YEATS2: variants seen among roughly 807,000 people sequenced by gnomAD.
The protein encoded by YEATS2 is YEATS domain-containing protein 2.
In YEATS2, 77 loss-of-function variants were observed where a neutral mutation model predicts 163.2. That is an observed-to-expected ratio of 0.47 (90% CI 0.39 to 0.57). The LOEUF is 0.57. Ranked by LOEUF, YEATS2 falls within the 20% of genes least tolerant of loss-of-function variation. The probability of loss-of-function intolerance (pLI) is 0.00; values close to 1 mark genes in which losing one functional copy is unlikely to be tolerated. For missense variants in YEATS2, 1,549 were observed against 1,729.8 expected (o/e 0.90, Z 1.85); for synonymous variants, 631 against 645.1 (o/e 0.98, Z 0.33).
intron 30 of YEATS2, among the ~76,000 whole-genome samples, chr3:183,809,764 T>C (rs1304166268): frequency 2.0e-5 from 3 of 152,218 alleles, no homozygotes; most frequent in African/African-American, 7.2e-5. Context: ...CACATCTGCT[T>C]TTCTTTCGGA....
chr3:183,785,604 T>C (rs1723991552), intron 19 of YEATS2, among the ~76,000 whole-genome samples: 1 of 151,886 alleles, frequency 6.6e-6, no homozygotes, highest in Non-Finnish European at 1.5e-5. Flanking sequence ...TGCAGTGAGC[T>C]ATGATTGTGC....
intron 19 of YEATS2, among the ~76,000 whole-genome samples, chr3:183,782,337 GACCTC>G (rs1348399013): frequency 2.0e-5 from 3 of 149,876 alleles, no homozygotes; most frequent in Admixed American, 6.7e-5. Context: ...TCGAACTCCT[GACCTC>G]AGGTGATCCA....
intron 7 of YEATS2, among the ~76,000 whole-genome samples, chr3:183,736,104 C>T (rs1210650642): frequency 6.6e-6 from 1 of 152,156 alleles, no homozygotes; most frequent in Admixed American, 6.6e-5. Context: ...TCAATTCCCG[C>T]CCCTCCTTTT....
intron 11 of YEATS2, among the ~76,000 whole-genome samples, chr3:183,755,031 A>G (rs1720568021): frequency 6.6e-6 from 1 of 152,190 alleles, no homozygotes; most frequent in South Asian, 2.1e-4. Context: ...GGGGGGAAAA[A>G]AAGAATGTTT....
chr3:183,724,368 T>C, intron 5 of YEATS2, 51 bp from the exon 6 acceptor site: 1 of 1,352,880 alleles, frequency 7.4e-7, no homozygotes, highest in Non-Finnish European at 1.0e-6. Context: ...GTTTCTGTCC[T>C]ATTGAAAGTT....
At chr3:183,730,521 C>T (rs528710011) in intron 7 of YEATS2, among the ~76,000 whole-genome samples, 31 of 152,120 alleles carry the variant, frequency 2.0e-4, no homozygotes, top group African/African-American at 3.1e-4. Context: ...CCCTTTCAAG[C>T]GATGGTGGCT....
intron 21 of YEATS2, 106 bp downstream of exon 21, chr3:183,791,086 T>C (rs1194213248): frequency 1.5e-5 from 21 of 1,437,736 alleles, no homozygotes; most frequent in East Asian, 2.3e-5. Context: ...CAAGCTAGAG[T>C]GCAATATCAC....
intron 1 of YEATS2, among the ~76,000 whole-genome samples, chr3:183,703,175 T>C (rs1285026707): frequency 6.6e-6 from 1 of 152,224 alleles, no homozygotes; most frequent in Admixed American, 6.5e-5. Context: ...ACGTCAGTCC[T>C]AATGACCAGA....
At chr3:183,803,374 A>G in intron 26 of YEATS2, 39 bp downstream of exon 26, 1 of 1,571,112 alleles carries the variant, frequency 6.4e-7, no homozygotes, top group Non-Finnish European at 8.7e-7. Context: ...CTGCCTCCAG[A>G]AACCTTGTCT....
intron 1 of YEATS2, among the ~76,000 whole-genome samples, chr3:183,705,348 C>T (rs1714512823): frequency 6.6e-6 from 1 of 152,116 alleles, no homozygotes; most frequent in Non-Finnish European, 1.5e-5. Context: ...CCACGCCCGG[C>T]CTATCATCTG....
At chr3:183,793,605 C>A in intron 21 of YEATS2, 27 of 136,958 alleles carry the variant, frequency 2.0e-4, no homozygotes, top group Non-Finnish European at 3.3e-4. Context: ...CATTTTCTTT[C>A]TTTCTTTTTT....
chr3:183,808,553 T>C (rs1433351003), intron 29 of YEATS2, among the ~76,000 whole-genome samples: 7 of 152,196 alleles, frequency 4.6e-5, no homozygotes, highest in Non-Finnish European at 1.0e-4. Context: ...AACAACTGCT[T>C]TCCTTAAATA....
rs543892481 is a variant in YEATS2, at chr3:183,788,468, A to G, written c.2913+2167A>G. Among the ~76,000 whole-genome samples the G allele has an allele frequency of 2.1e-4, 32 of 152,312 alleles. 3 individuals carry two copies. In the South Asian group the frequency reaches 6.4e-3, roughly 31 times the overall value. On this transcript the variant is annotated intron_variant, in intron 20 of 30. Coordinates refer to ENST00000305135, the MANE Select transcript of YEATS2 (RefSeq NM_018023.5). ...GTCCTCCAGTTCTATCCATGTTGCA[A>G]ATGACAGGATTTCATTCTTTCTTAT...
intron 2 of YEATS2, among the ~76,000 whole-genome samples, chr3:183,717,074 G>T (rs972586532): frequency 1.3e-5 from 2 of 151,908 alleles, no homozygotes; most frequent in Non-Finnish European, 2.9e-5. Context: ...TGTATTTTTG[G>T]TAGAGACGGG....
chr3:183,760,313 A>AGTTTTTTTTTTTTTTT (rs1283432086), intron 13 of YEATS2, among the ~76,000 whole-genome samples: 1 of 110,314 alleles, frequency 9.1e-6, no homozygotes. Context: ...AAACTACAGA[A>AGTTTTTTTTTTTTTTT]TTTTTTTTTT....
chr3:183,760,472 C>T (rs1475942173), intron 13 of YEATS2, among the ~76,000 whole-genome samples: 2 of 151,958 alleles, frequency 1.3e-5, no homozygotes, highest in African/African-American at 2.4e-5. Flanking sequence ...ACAGGGCATG[C>T]GCCCCACGCC....
rs751385892 is a variant in YEATS2 at position 183,803,973 on chromosome 3, ATTTTT to A, written c.3583-8_3583-4del. ...GATTTGATTATGGTTCCAAAAGAAA[ATTTTT>A]TTTTTAAGTGGCAAAGAGCAATGAC... On this transcript the variant is annotated splice_polypyrimidine_tract_variant and intron_variant, in intron 26 of 30. Coordinates refer to ENST00000305135, the MANE Select transcript of YEATS2 (RefSeq NM_018023.5). 1.9e-6 allele frequency: 3 copies of A among 1,549,840 alleles called. No homozygotes were observed. The highest frequency in any genetic ancestry group is 2.3e-5 in the South Asian group (2 of 87,806).
intron 17 of YEATS2, among the ~76,000 whole-genome samples, 186 bp from the exon 18 acceptor site, chr3:183,775,729 C>T (rs1016903041): frequency 6.6e-6 from 1 of 152,102 alleles, no homozygotes; most frequent in African/African-American, 2.4e-5. Flanking sequence ...AGATTTTGAT[C>T]TAAAATCTAG....
Position 183,754,308 on chromosome 3 carries a change from C to A in YEATS2, c.1333C>A (p.Pro445Thr). 1 of 1,614,108 alleles carries A rather than the reference C, an allele frequency of 6.2e-7. No individual in the cohort carries two copies. Among genetic ancestry groups the A allele is most frequent in the South Asian group, 1.1e-5 (1 of 91,082 alleles). Residue 445 changes from proline to threonine, a missense_variant, in exon 11 of 31, where the codon CCT (proline) becomes ACT (threonine). Physicochemically the swap from Pro to Thr is conservative, Grantham distance 38. Coordinates refer to ENST00000305135, the MANE Select transcript of YEATS2 (RefSeq NM_018023.5). ...KIVPQSQVPN[P>T]ESPGKSFQPI... ...TGTTCCACAAAGTCAGGTTCCTAAT[C>A]CTGAGTCACCTGGAAAATCCTTCCA...
Sources: gnomAD v4.1 joint callset for allele counts (sites outside exome capture counted in the v4.1 genomes callset) on GRCh38, gnomAD v4.1.1 for gene constraint, MANE v1.5 for transcripts, NCBI Gene and HGNC (gene_info 2026-07-23, HGNC 2026-07-21) for gene names.